Variants in DNAH3 observed in about 807,000 individuals in gnomAD.
DNAH3 encodes dynein axonemal heavy chain 3, also known as axonemal beta dynein heavy chain 3.
In DNAH3, 332 loss-of-function variants were observed where a neutral mutation model predicts 432.5. The observed-to-expected ratio is 0.77, with a 90% CI of 0.70 to 0.84. DNAH3 has a LOEUF of 0.84. Ranked by LOEUF, DNAH3 falls within the 40% of genes least tolerant of loss-of-function variation. DNAH3 has a pLI of 0.00. For missense variants in DNAH3, 4,861 were observed against 5,114.0 expected, an observed-to-expected ratio of 0.95 and a Z score of 1.51; for synonymous variants, 1,956 against 1,900.2, an observed-to-expected ratio of 1.03 and a Z score of -0.76.
At position 20,936,869 on chromosome 16, in the gene DNAH3, A is replaced by T; in HGVS notation, c.11655-16T>A. ...TTTGGTCAGCCTGCAAGAACAGAGG[A>T]GCTGGCTGAGCTGGGCTCTCCGGTG... On this transcript the variant is annotated splice_polypyrimidine_tract_variant and intron_variant, in intron 59 of 61. Coordinates refer to ENST00000261383, the Ensembl canonical transcript of DNAH3. 1 of 1,596,024 alleles carries T rather than the reference A, an allele frequency of 6.3e-7. No individual in the cohort carries two copies. Among genetic ancestry groups the T allele is most frequent in the Non-Finnish European group, 8.5e-7 (1 of 1,170,398 alleles).
At chr16:21,150,295 G>A (rs2092838175) in intron 1 of DNAH3, 1 of 455,068 alleles carries the variant, frequency 2.2e-6, no homozygotes, top group Non-Finnish European at 4.4e-6. Flanking sequence ...CCTACCTTCT[G>A]AGATGAGCAA....
At chr16:21,066,181 A>G (rs2090542521) in intron 24 of DNAH3, among the ~76,000 whole-genome samples, 1 of 150,104 alleles carries the variant, frequency 6.7e-6, no homozygotes, top group African/African-American at 2.5e-5. Context: ...TTTTTTTGGT[A>G]AACAGCAGGG....
rs113392580 is a variant in DNAH3, at chr16:21,121,239, G to A, written c.1585-385C>T. 3.7e-3 allele frequency: 1,382 copies of A among 370,608 alleles called. 14 individuals carry two copies. Among genetic ancestry groups the A allele is most frequent in the African/African-American group, 0.025 (1,176 of 47,444 alleles). The allele number at this position is 370,608 out of a possible 1,614,324, so 23.0% of individuals were successfully genotyped here. A position where few individuals can be genotyped will look rare whatever the true frequency, so the allele number is the denominator to read the frequency against. ...GAGTGAGGAAAAGATGGAGCTAAAA[G>A]GAGTTACATCCATGTGCATGATCCT... On this transcript the variant is annotated intron_variant, in intron 10 of 61. Transcript: ENST00000261383.
At chr16:21,070,820 T>C in exon 22 of DNAH3, 1 of 1,590,836 alleles carries the variant, frequency 6.3e-7, no homozygotes, top group Non-Finnish European at 8.6e-7. Flanking sequence ...CACAAGATGT[T>C]TGTATCCTGT....
chr16:21,037,810 A>G, exon 34 of DNAH3: 6 of 1,614,206 alleles, frequency 3.7e-6, no homozygotes, highest in Non-Finnish European at 5.1e-6. Context: ...ATTGACATCA[A>G]GCAATGCCCG....
At chr16:21,049,444 T>C (rs774748826) in intron 31 of DNAH3, 125 bp downstream of exon 31, 2 of 689,740 alleles carry the variant, frequency 2.9e-6, no homozygotes. Flanking sequence ...ACTGAGTACC[T>C]GCTTTGGAGG....
Position 21,021,873 on chromosome 16 carries a change from A to G in DNAH3, c.5776+98T>C. ...AGCCAAGATCATGCCACTGCACTCT[A>G]GCCTTGGTGACAGAGTGAGACTTCA... On this transcript the variant is annotated intron_variant, in intron 40 of 61. Coordinates refer to ENST00000261383, the Ensembl canonical transcript of DNAH3. 4 of 1,420,418 alleles carry G rather than the reference A, an allele frequency of 2.8e-6. No homozygotes were observed. In the East Asian group the frequency reaches 7.0e-5, roughly 25 times the overall value. The allele number at this position is 1,420,418 out of a possible 1,614,324, so 88.0% of individuals were successfully genotyped here.
intron 44 of DNAH3, among the ~76,000 whole-genome samples, chr16:20,989,051 G>C (rs978581718): frequency 6.6e-6 from 1 of 152,184 alleles, no homozygotes; most frequent in African/African-American, 2.4e-5. Context: ...GCACCAGTAA[G>C]ATTTACTGCA....
At chr16:21,037,642 C>A (rs544795061) in intron 34 of DNAH3, 119 bp downstream of exon 34, 396 of 788,972 alleles carry the variant, frequency 5.0e-4, no homozygotes, top group Non-Finnish European at 7.6e-4. Flanking sequence ...TATCAGGTGG[C>A]AGAGATGCTG....
intron 6 of DNAH3, among the ~76,000 whole-genome samples, chr16:21,135,626 G>C (rs1427355866): frequency 6.6e-6 from 1 of 152,074 alleles, no homozygotes; most frequent in African/African-American, 2.4e-5. Context: ...CCAGGGGTCC[G>C]CCCAGGTAGG....
At chr16:21,031,206 A>T in exon 37 of DNAH3, 1 of 1,614,188 alleles carries the variant, frequency 6.2e-7, no homozygotes, top group Middle Eastern at 1.6e-4. Context: ...ACTTGGTCAA[A>T]GCACCCATAC....
At chr16:21,138,705 G>A (rs1040116210) in intron 5 of DNAH3, among the ~76,000 whole-genome samples, 2 of 152,100 alleles carry the variant, frequency 1.3e-5, no homozygotes, top group Non-Finnish European at 2.9e-5. Context: ...AGCTACTTGG[G>A]AGGCTGAGGC....
intron 53 of DNAH3, among the ~76,000 whole-genome samples, chr16:20,962,939 A>G (rs35066962): frequency 0.071 from 10,836 of 152,272 alleles, 520 homozygotes; most frequent in East Asian, 0.17. Flanking sequence ...GATTACAGGC[A>G]TAAGCCACCT....
intron 41 of DNAH3, among the ~76,000 whole-genome samples, chr16:21,014,888 C>T (rs1040356056): frequency 1.3e-5 from 2 of 151,910 alleles, no homozygotes; most frequent in African/African-American, 4.8e-5. Flanking sequence ...AAAAAATATA[C>T]AAGATCTATA....
At chr16:21,137,183 A>AC (rs1222411273) in intron 5 of DNAH3, among the ~76,000 whole-genome samples, 2 of 147,726 alleles carry the variant, frequency 1.4e-5, no homozygotes, top group Non-Finnish European at 3.0e-5. Context: ...GCTAGAATTT[A>AC]CCCCCCGGAA....
At chr16:21,099,533 T>G (rs1010933389) in intron 16 of DNAH3, among the ~76,000 whole-genome samples, 3 of 152,098 alleles carry the variant, frequency 2.0e-5, no homozygotes, top group Admixed American at 6.6e-5. Context: ...TCTAATGAGG[T>G]AGAATAATAT....
At chr16:21,048,573 G>C (rs1386795511) in intron 31 of DNAH3, among the ~76,000 whole-genome samples, 3 of 152,194 alleles carry the variant, frequency 2.0e-5, no homozygotes, top group Non-Finnish European at 4.4e-5. Flanking sequence ...TGCGCCCACT[G>C]TCTGGCACTC....
At position 21,068,536 on chromosome 16, in the gene DNAH3, A is replaced by G. The variant is rs552941581; in HGVS notation, c.3381+879T>C. Among the ~76,000 whole-genome samples, 16 of 152,306 alleles carry G rather than the reference A, an allele frequency of 1.1e-4. No individual in the cohort carries two copies. The South Asian group carries it at 3.3e-3, about 32-fold the overall frequency. ...CACCATGTTATCCAGGCTGGTCTCC[A>G]ACTCCTGAACTCAAGCAATCCGCCT... On this transcript the variant is annotated intron_variant, in intron 23 of 61. Transcript: ENST00000261383.
At chr16:20,960,723 AC>A (rs1190987222) in intron 53 of DNAH3, among the ~76,000 whole-genome samples, 4 of 152,172 alleles carry the variant, frequency 2.6e-5, no homozygotes, top group East Asian at 1.9e-4. Context: ...AAACAAACAA[AC>A]AAAAGGCGGC....
Sources: gnomAD v4.1 joint callset for allele counts (sites outside exome capture counted in the v4.1 genomes callset) on GRCh38, gnomAD v4.1.1 for gene constraint, MANE v1.5 for transcripts, NCBI Gene and HGNC (gene_info 2026-07-23, HGNC 2026-07-21) for gene names.